Variants in CDHR4 observed in about 807,000 individuals in gnomAD.
CDHR4 encodes cadherin related family member 4.
In CDHR4, 89 loss-of-function variants were observed where a neutral mutation model predicts 88.4. That is an observed-to-expected ratio of 1.01 (90% confidence interval 0.85 to 1.20). The LOEUF (loss-of-function observed/expected upper bound fraction) is 1.20. Ranked by LOEUF, CDHR4 falls within the 50% of genes most tolerant of loss-of-function variation. CDHR4 has a pLI of 0.00. For synonymous variants in CDHR4, 368 were observed against 399.2 expected (o/e 0.92, Z 0.93); for missense variants, 914 against 1,007.2 (o/e 0.91, Z 1.25).
intron 18 of CDHR4, 45 bp from the exon 19 acceptor site, chr3:49,790,932 C>T: frequency 6.8e-7 from 1 of 1,460,724 alleles, no homozygotes; most frequent in East Asian, 2.5e-5. Context: ...TGCTGCTGGC[C>T]CCAGAAGAAC....
chr3:49,797,105 G>A (rs2081283344), intron 4 of CDHR4, 73 bp from the exon 5 acceptor site: 3 of 1,261,234 alleles, frequency 2.4e-6, no homozygotes, highest in South Asian at 2.6e-5. Context: ...CAACCCAGCA[G>A]CAACCCTCCA....
intron 12 of CDHR4, 104 bp downstream of exon 12, chr3:49,793,479 C>A: frequency 6.7e-7 from 1 of 1,484,040 alleles, no homozygotes; most frequent in Non-Finnish European, 9.0e-7. Flanking sequence ...CCAGCCAACT[C>A]GTGGAAGAAA....
intron 11 of CDHR4, 40 bp downstream of exon 11, chr3:49,793,763 C>G: frequency 3.2e-6 from 5 of 1,551,620 alleles, no homozygotes; most frequent in Admixed American, 2.0e-5. Flanking sequence ...AGGGCCAACT[C>G]TGGCTCCCTG....
chr3:49,797,093 G>A, intron 4 of CDHR4, 61 bp from the exon 5 acceptor site: 4 of 1,393,000 alleles, frequency 2.9e-6, no homozygotes, highest in Admixed American at 2.0e-5. Flanking sequence ...CACCCCCATC[G>A]ACAACCCAGC....
In CDHR4 at chr3:49,795,259, T is replaced by C. The variant is rs377496848; in HGVS notation, c.968A>G (p.Asn323Ser). Residue 323 changes from asparagine to serine, a missense_variant, in exon 8 of 19, where the codon AAT becomes AGT. Physicochemically the swap from Asn to Ser is conservative, Grantham distance 46. Coordinates refer to ENST00000412678, the MANE Select transcript of CDHR4 (RefSeq NM_001007540.4). The surrounding 1 kb of genome is among the most constrained non-coding windows in gnomAD (Gnocchi z 5.4). ...QGQLWASAKL[N>S]LTMNVQLVNL... ...GACCAGCTGCACATTCATGGTGAGATTGAGCTTGGCACTGGCCCACAGCTG... is the reference window on the plus strand; with the variant it reads ...GACCAGCTGCACATTCATGGTGAGACTGAGCTTGGCACTGGCCCACAGCTG... The C allele has an allele frequency of 5.3e-5, 82 of 1,551,502 alleles. 1 individual carries two copies. Among genetic ancestry groups the C allele is most frequent in the East Asian group, 4.9e-4 (20 of 40,928 alleles).
At chr3:49,800,222 G>A (rs73831909), upstream of CDHR4, among the ~76,000 whole-genome samples, 10 of 152,172 alleles carry the variant, frequency 6.6e-5, no homozygotes, top group African/African-American at 2.2e-4. Context: ...GAGCCCAACC[G>A]TCAACAAAAT....
chr3:49,801,708 T>A (rs1559426425), upstream of CDHR4, among the ~76,000 whole-genome samples: 1 of 152,234 alleles, frequency 6.6e-6, no homozygotes, highest in Non-Finnish European at 1.5e-5. Context: ...TGATGCCTCT[T>A]TTCCTGCCCA....
Position 49,795,587 on chromosome 3 carries a change from A to C in CDHR4, c.847+41T>G. The C allele has an allele frequency of 1.3e-6, 2 of 1,550,460 alleles. No individual in the cohort carries two copies. The highest frequency in any genetic ancestry group is 1.7e-6 in the Non-Finnish European group (2 of 1,146,368). On this transcript the variant is annotated intron_variant, in intron 7 of 18. Coordinates refer to ENST00000412678, the MANE Select transcript of CDHR4 (RefSeq NM_001007540.4). The surrounding 1 kb of genome is among the most constrained non-coding windows in gnomAD (Gnocchi z 5.4). ...TGGGTCACCTCTGGACCAGCCACAG[A>C]GGCATCCCAGTACCTGCCCCCACCC...
chr3:49,797,124 G>T, intron 4 of CDHR4, 92 bp from the exon 5 acceptor site: 1 of 904,640 alleles, frequency 1.1e-6, no homozygotes, highest in Non-Finnish European at 1.8e-6. Flanking sequence ...CAGCAACCCA[G>T]CAGGCACCTG....
At position 49,791,457 on chromosome 3, in the gene CDHR4, G is replaced by A. The variant is rs777429398; in HGVS notation, c.2295C>T (p.Gly765=). 4.0e-5 allele frequency: 62 copies of A among 1,546,920 alleles called. No homozygotes were observed. Among genetic ancestry groups the A allele is most frequent in the Non-Finnish European group, 5.1e-5 (59 of 1,145,690 alleles). ...GGGACTCACGGGAGTCCTGTGCTCT[G>A]CCATCAAAATGCTGCTGAGGGAAAA... ...PSSVMSLHFD[G]RAQDSRTGRD... Residue 765 remains glycine (G), a synonymous_variant, in exon 18 of 19, where the codon GGC becomes GGT. Transcript: ENST00000412678.
At chr3:49,790,955 C>G (rs1420044830) in intron 18 of CDHR4, 68 bp from the exon 19 acceptor site, 2 of 1,281,356 alleles carry the variant, frequency 1.6e-6, no homozygotes, top group African/African-American at 3.0e-5. Flanking sequence ...CCTCCCTCCC[C>G]CTTACTTAAG....
rs1483457639 is a variant in CDHR4 at position 49,795,923 on chromosome 3, C to G, written c.710+20G>C. The G allele has an allele frequency of 1.2e-5, 18 of 1,524,638 alleles. No homozygotes were observed. Among genetic ancestry groups the G allele is most frequent in the Non-Finnish European group, 1.5e-5 (17 of 1,133,702 alleles). 94.4% of individuals were successfully genotyped at this position (1,524,638 alleles called of 1,614,324 possible). On this transcript the variant is annotated intron_variant, in intron 6 of 18. Transcript: ENST00000412678. The surrounding 1 kb of genome is among the most constrained non-coding windows in gnomAD (Gnocchi z 5.4). ...GCTAGGCCCTTCCTCCCTCACTGTTCCAGGGTAGGGGAGCCTTACAGGAAG... is the reference window on the plus strand; with the variant it reads ...GCTAGGCCCTTCCTCCCTCACTGTTGCAGGGTAGGGGAGCCTTACAGGAAG...
intron 10 of CDHR4, among the ~76,000 whole-genome samples, 197 bp downstream of exon 10, chr3:49,794,408 AAAG>A (rs1420682445): frequency 1.3e-5 from 2 of 151,936 alleles, no homozygotes; most frequent in Admixed American, 6.5e-5. Context: ...AAAAAAAAAA[AAAG>A]AGAGTGAGAG....
chr3:49,791,478 G>GGA lies in CDHR4; in HGVS notation c.2284-11_2284-10insTC. Reference sequence around the variant, plus strand: ...CTCTGCCATCAAAATGCTGCTGAGGGAAAAAAAAAAAAGATGCAATGAATT... The same window carrying GGA: ...CTCTGCCATCAAAATGCTGCTGAGGGGAAAAAAAAAAAAAGATGCAATGAATT... On this transcript the variant is annotated splice_polypyrimidine_tract_variant and intron_variant, in intron 17 of 18. Coordinates refer to ENST00000412678, the MANE Select transcript of CDHR4 (RefSeq NM_001007540.4). The GGA allele has an allele frequency of 2.3e-6, 3 of 1,322,848 alleles. No individual in the cohort carries two copies. In the South Asian group the frequency reaches 4.1e-5, roughly 18 times the overall value. The allele number at this position is 1,322,848 out of a possible 1,614,324, so 81.9% of individuals were successfully genotyped here. A position where few individuals can be genotyped will look rare whatever the true frequency, so the allele number is the denominator to read the frequency against.
chr3:49,793,381 T>A, intron 12 of CDHR4, 70 bp from the exon 13 acceptor site: 7 of 1,513,008 alleles, frequency 4.6e-6, no homozygotes, highest in Middle Eastern at 3.6e-4. Context: ...CCCCTCAACT[T>A]CTTCTCACCA....
chr3:49,795,445 G>C lies in CDHR4; in HGVS notation c.848-66C>G. On this transcript the variant is annotated intron_variant, in intron 7 of 18. Transcript: ENST00000412678. The surrounding 1 kb of genome is among the most constrained non-coding windows in gnomAD (Gnocchi z 5.4). ...ACACAGAGATCAGCCCCGCCTCCCA[G>C]CTCAGTCCCACTCCTGCCAGCCCAC... 1 of 1,520,990 alleles carries C rather than the reference G, an allele frequency of 6.6e-7. No homozygotes were observed. The highest frequency in any genetic ancestry group is 8.8e-7 in the Non-Finnish European group (1 of 1,132,056). The allele number at this position is 1,520,990 out of a possible 1,614,324, so 94.2% of individuals were successfully genotyped here.
intron 4 of CDHR4, 129 bp downstream of exon 4, chr3:49,798,697 G>T: frequency 1.2e-6 from 1 of 813,650 alleles, no homozygotes; most frequent in Non-Finnish European, 1.9e-6. Flanking sequence ...CATACATCAT[G>T]TAGAGGCTCA....
chr3:49,798,840 GT>G lies in CDHR4; in HGVS notation c.480del (p.Glu160AspfsTer7), dbSNP rs2081314425. On this transcript the variant is annotated frameshift_variant, in exon 4 of 19. Coordinates refer to ENST00000412678, the MANE Select transcript of CDHR4 (RefSeq NM_001007540.4). LOFTEE classifies it high-confidence loss of function. ...RLYTLLLPGL[E>X]LHGAQMSIIS... ...TCTGGGCTTACCTGCGCTCCGTGGA[GT>G]TCTAGGCCTGGGAGGAGCAGAGTGT... 3 of 1,613,920 alleles carry G rather than the reference GT, an allele frequency of 1.9e-6. No homozygotes were observed. In the East Asian group the frequency reaches 6.7e-5, roughly 36 times the overall value.
upstream of CDHR4, among the ~76,000 whole-genome samples, chr3:49,801,016 C>T (rs2081353091): frequency 6.6e-6 from 1 of 151,850 alleles, no homozygotes; most frequent in Non-Finnish European, 1.5e-5. Flanking sequence ...CATGCCACTG[C>T]ACTCCAGCCT....
Sources: gnomAD v4.1 joint callset for allele counts (sites outside exome capture counted in the v4.1 genomes callset) on GRCh38, gnomAD v4.1.1 for gene constraint, Gnocchi (gnomAD v3.1) non-coding constraint, MANE v1.5 for transcripts, NCBI Gene and HGNC (gene_info 2026-07-23, HGNC 2026-07-21) for gene names.